The following ANKS1B variants were observed in gnomAD, a reference collection of about 807,000 sequenced individuals.
ANKS1B encodes the protein ankyrin repeat and sterile alpha motif domain-containing protein 1B.
In ANKS1B, 36 loss-of-function variants were observed where a neutral mutation model predicts 148.3. That is an observed-to-expected ratio of 0.24 (90% CI 0.19 to 0.32). The LOEUF is 0.32. ANKS1B is among the 10% of genes least tolerant of loss of function. The probability of loss-of-function intolerance (pLI) is 1.00; values close to 1 mark genes in which losing one functional copy is unlikely to be tolerated. For missense variants in ANKS1B, 1,157 were observed against 1,542.6 expected, an observed-to-expected ratio of 0.75 and a Z score of 4.19; for synonymous variants, 542 against 560.8, an observed-to-expected ratio of 0.97 and a Z score of 0.47.
intron 17 of ANKS1B, among the ~76,000 whole-genome samples, chr12:98,925,341 G>T (rs1209004323): frequency 1.3e-5 from 2 of 152,170 alleles, no homozygotes; most frequent in East Asian, 3.9e-4. Flanking sequence ...ACACAAAAAT[G>T]ATGCTTAAAA....
intron 1 of ANKS1B, among the ~76,000 whole-genome samples, chr12:99,852,348 C>A (rs539611038): frequency 2.0e-5 from 3 of 152,206 alleles, no homozygotes; most frequent in Admixed American, 2.0e-4. Context: ...TACATTCAAA[C>A]GTTAAGGTAT....
chr12:99,335,349 T>C (rs2088591187), intron 12 of ANKS1B, among the ~76,000 whole-genome samples: 1 of 152,072 alleles, frequency 6.6e-6, no homozygotes, highest in Admixed American at 6.6e-5. Context: ...TTTCTTTGTA[T>C]TATGAACATT....
chr12:99,359,426 T>C (rs373469949), intron 12 of ANKS1B, among the ~76,000 whole-genome samples: 7 of 152,220 alleles, frequency 4.6e-5, no homozygotes, highest in African/African-American at 1.4e-4. Flanking sequence ...CATAAATAAT[T>C]ACTTTCTAAA....
chr12:98,900,913 A>G (rs2099771090), intron 17 of ANKS1B, among the ~76,000 whole-genome samples: 1 of 152,168 alleles, frequency 6.6e-6, no homozygotes, highest in Non-Finnish European at 1.5e-5. Context: ...TATGGATTTC[A>G]ACTAACACGT....
chr12:99,466,870 A>G lies in ANKS1B; in HGVS notation c.1439-23061T>C, dbSNP rs1190751553. ...AATTCTACCAGAGGTACAAGGAGGA[A>G]CTGGTACCATTCCTTCTGAAACTAT... On this transcript the variant is annotated intron_variant, in intron 10 of 26. Coordinates refer to ENST00000683438, the MANE Select transcript of ANKS1B (RefSeq NM_001352186.2). 5.3e-5 allele frequency among the ~76,000 whole-genome samples: 8 copies of G among 152,154 alleles called. No homozygotes were observed. In the South Asian group the frequency reaches 1.5e-3, roughly 28 times the overall value.
intron 25 of ANKS1B, among the ~76,000 whole-genome samples, chr12:98,757,763 C>T (rs963131833): frequency 6.6e-6 from 1 of 152,234 alleles, no homozygotes; most frequent in Non-Finnish European, 1.5e-5. Context: ...TGTAACCTGG[C>T]CTGTCTCCGA....
intron 14 of ANKS1B, among the ~76,000 whole-genome samples, chr12:99,202,329 G>A (rs761260915): frequency 2.0e-5 from 3 of 152,194 alleles, no homozygotes; most frequent in Admixed American, 1.3e-4. Context: ...TGAAAATGCT[G>A]TAGAGTTCAC....
intron 9 of ANKS1B, among the ~76,000 whole-genome samples, chr12:99,583,580 A>C (rs961608810): frequency 6.6e-6 from 1 of 152,240 alleles, no homozygotes; most frequent in Non-Finnish European, 1.5e-5. Context: ...TTTTTAGATC[A>C]AATGGCTGTG....
chr12:98,939,535 T>G (rs2099832043), intron 17 of ANKS1B, among the ~76,000 whole-genome samples: 1 of 152,232 alleles, frequency 6.6e-6, no homozygotes, highest in Non-Finnish European at 1.5e-5. Flanking sequence ...TGAGGCTTCT[T>G]TTTTCCTTGA....
intron 9 of ANKS1B, among the ~76,000 whole-genome samples, chr12:99,507,840 C>T (rs912400622): frequency 6.6e-6 from 1 of 151,756 alleles, no homozygotes. Flanking sequence ...AAAAATGGAT[C>T]CATGTGTCCA....
At chr12:98,900,027 G>T (rs2099769973) in intron 17 of ANKS1B, among the ~76,000 whole-genome samples, 2 of 152,156 alleles carry the variant, frequency 1.3e-5, no homozygotes, top group South Asian at 4.1e-4. Context: ...ATTCCATCTG[G>T]AGCTATGTAG....
At chr12:98,986,040 T>C (rs967509018) in intron 17 of ANKS1B, among the ~76,000 whole-genome samples, 15 of 152,208 alleles carry the variant, frequency 9.9e-5, no homozygotes, top group Non-Finnish European at 1.5e-4. Flanking sequence ...TTTAGCACTT[T>C]AAAATGCTAT....
intron 12 of ANKS1B, among the ~76,000 whole-genome samples, chr12:99,351,771 A>AT (rs1229129810): frequency 2.6e-5 from 4 of 152,058 alleles, no homozygotes; most frequent in East Asian, 1.9e-4. Context: ...CAGTTCTTAC[A>AT]TTTTACCAGA....
At chr12:99,375,720 G>A (rs1012247601) in intron 12 of ANKS1B, among the ~76,000 whole-genome samples, 5 of 151,834 alleles carry the variant, frequency 3.3e-5, no homozygotes, top group Admixed American at 1.3e-4. Flanking sequence ...TGGGACAAAG[G>A]CTTTATAGCT....
chr12:99,526,596 T>A (rs2096929009), intron 9 of ANKS1B, among the ~76,000 whole-genome samples: 1 of 152,144 alleles, frequency 6.6e-6, no homozygotes, highest in African/African-American at 2.4e-5. Flanking sequence ...CGGGATAGCA[T>A]CCCTCTTTAG....
chr12:98,878,894 C>T (rs1257156574), intron 17 of ANKS1B, among the ~76,000 whole-genome samples: 2 of 152,066 alleles, frequency 1.3e-5, no homozygotes, highest in African/African-American at 2.4e-5. Flanking sequence ...TATGTAGTTT[C>T]GGAACAAAAG....
intron 12 of ANKS1B, among the ~76,000 whole-genome samples, chr12:99,293,352 G>A (rs889024685): frequency 6.6e-6 from 1 of 151,962 alleles, no homozygotes; most frequent in Non-Finnish European, 1.5e-5. Flanking sequence ...GGCCTGTCGG[G>A]GGGTGGGGGC....
chr12:98,916,834 TGTGCCACAATTCCTG>T (rs766021799), intron 17 of ANKS1B, among the ~76,000 whole-genome samples: 1 of 152,236 alleles, frequency 6.6e-6, no homozygotes, highest in Non-Finnish European at 1.5e-5. Context: ...GAAAAAAATC[TGTGCCACAATTCCTG>T]GTACATATCA....
At chr12:99,189,528 G>T (rs1316375631) in intron 14 of ANKS1B, among the ~76,000 whole-genome samples, 1 of 152,164 alleles carries the variant, frequency 6.6e-6, no homozygotes, top group Non-Finnish European at 1.5e-5. Context: ...GGGATGCAAG[G>T]TTGGTTCAAT....
Sources: gnomAD v4.1 joint callset for allele counts (sites outside exome capture counted in the v4.1 genomes callset) on GRCh38, gnomAD v4.1.1 for gene constraint, MANE v1.5 for transcripts, NCBI Gene and HGNC (gene_info 2026-07-23, HGNC 2026-07-21) for gene names.